The following OPCML variants were observed in gnomAD, a reference collection of about 807,000 sequenced individuals.
OPCML encodes the protein opioid binding protein/cell adhesion molecule like.
Under a neutral mutation model 37.8 loss-of-function variants are expected in OPCML, and 13 were observed. That is an observed-to-expected ratio of 0.34 (90% CI 0.22 to 0.55). The LOEUF is 0.55. Among genes scored for constraint, OPCML ranks in the 20% least tolerant of loss-of-function variants. OPCML has a pLI of 0.91. For synonymous variants in OPCML, 176 were observed against 168.8 expected (o/e 1.04, Z -0.33); for missense variants, 341 against 435.6 (o/e 0.78, Z 1.93).
chr11:133,302,144 GA>G (rs1329969075), intron 1 of OPCML: 6 of 152,208 alleles, frequency 3.9e-5, no homozygotes, highest in African/African-American at 1.4e-4. Context: ...AAAAGCTTCT[GA>G]TATGGCTTGG....
intron 7 of OPCML, among the ~76,000 whole-genome samples, chr11:132,432,922 T>C (rs1374659554): frequency 6.6e-6 from 1 of 152,202 alleles, no homozygotes; most frequent in Non-Finnish European, 1.5e-5. Flanking sequence ...AAATGCATGT[T>C]TGCTAAATGA....
At chr11:133,404,992 C>T (rs986352182) in intron 1 of OPCML, among the ~76,000 whole-genome samples, 10 of 152,260 alleles carry the variant, frequency 6.6e-5, no homozygotes, top group Admixed American at 6.5e-4. Context: ...TGTGTATTTT[C>T]CACCCTCCAA....
chr11:132,628,739 A>C (rs1939897404), intron 3 of OPCML, among the ~76,000 whole-genome samples: 1 of 152,098 alleles, frequency 6.6e-6, no homozygotes, highest in Non-Finnish European at 1.5e-5. Context: ...GGAGGGACCC[A>C]GTGGGAGGTA....
In OPCML at chr11:133,208,252, C is replaced by G. The variant is rs187946373; in HGVS notation, c.62-265242G>C. On this transcript the variant is annotated intron_variant, in intron 1 of 7. Transcript: ENST00000524381. This position sits in a 1 kb window ranked among gnomAD's most constrained non-coding sequence, Gnocchi z 8.9. ...TAGCACATTGTATTACATTGCATTG[C>G]ACTGTATTGTTGTATTACCACGTAT... 6.6e-6 allele frequency among the ~76,000 whole-genome samples: 1 copy of G among 152,266 alleles called. No individual in the cohort carries two copies. Among genetic ancestry groups the G allele is most frequent in the Admixed American group, 6.5e-5 (1 of 15,290 alleles).
At chr11:133,110,944 T>G (rs1949242340) in intron 1 of OPCML, among the ~76,000 whole-genome samples, 1 of 152,202 alleles carries the variant, frequency 6.6e-6, no homozygotes, top group Non-Finnish European at 1.5e-5. Context: ...ACCTTTCTGG[T>G]CCTTTGTTTA....
chr11:133,346,884 G>A (rs573117058), intron 1 of OPCML, among the ~76,000 whole-genome samples: 4 of 152,066 alleles, frequency 2.6e-5, no homozygotes, highest in African/African-American at 9.7e-5. Context: ...GTTTTTTGTT[G>A]TTTTGTTTTG....
chr11:132,629,649 G>GT (rs1464896099), intron 3 of OPCML, among the ~76,000 whole-genome samples: 6 of 151,856 alleles, frequency 4.0e-5, no homozygotes, highest in East Asian at 1.9e-4. Flanking sequence ...GCTTTATTTT[G>GT]TTTTTTTCCT....
intron 1 of OPCML, among the ~76,000 whole-genome samples, chr11:133,494,842 G>A (rs1342461482): frequency 1.3e-5 from 2 of 151,120 alleles, no homozygotes; most frequent in African/African-American, 4.9e-5. Context: ...TGCACATTGT[G>A]CACATGTACC....
chr11:133,290,799 G>C (rs1399414198), intron 1 of OPCML, among the ~76,000 whole-genome samples: 1 of 152,230 alleles, frequency 6.6e-6, no homozygotes, highest in Non-Finnish European at 1.5e-5. Flanking sequence ...AGTGGGTGAA[G>C]GCAGAGCTTG....
chr11:132,560,189 G>A (rs1210354638), intron 3 of OPCML, among the ~76,000 whole-genome samples: 1 of 151,998 alleles, frequency 6.6e-6, no homozygotes, highest in East Asian at 1.9e-4. Context: ...CCATGACTTG[G>A]GGTCAGTAAT....
rs954839050 is a variant in OPCML, at chr11:132,679,941, C to A, written c.147-22622G>T. Among the ~76,000 whole-genome samples, 6 of 152,234 alleles carry A rather than the reference C, an allele frequency of 3.9e-5. No homozygotes were observed. The East Asian group carries it at 7.7e-4, about 20-fold the overall frequency. On this transcript the variant is annotated intron_variant, in intron 2 of 7. Transcript: ENST00000524381. ...GACAGGTGGAGTGGTAGGTGATGTG[C>A]ATTCTCAAAGAAGGACTTTTTAGTA...
intron 3 of OPCML, among the ~76,000 whole-genome samples, chr11:132,557,794 G>T (rs1386356136): frequency 3.1e-5 from 4 of 129,124 alleles, no homozygotes; most frequent in Non-Finnish European, 6.5e-5. Context: ...TACACACAGG[G>T]TGATGGGCAA....
At chr11:133,044,210 C>T (rs1336254430) in intron 1 of OPCML, among the ~76,000 whole-genome samples, 3 of 152,096 alleles carry the variant, frequency 2.0e-5, no homozygotes, top group Non-Finnish European at 4.4e-5. Context: ...GATGGGTGTG[C>T]ATGGGTGCAT....
chr11:133,324,357 C>T (rs1943402730), intron 1 of OPCML, among the ~76,000 whole-genome samples: 3 of 152,130 alleles, frequency 2.0e-5, no homozygotes, highest in African/African-American at 7.2e-5. Context: ...AAAAAATTTT[C>T]GGGATGGCAT....
chr11:132,570,786 T>TATATAC (rs1555156174), intron 3 of OPCML, among the ~76,000 whole-genome samples: 1 of 108,274 alleles, frequency 9.2e-6, no homozygotes, highest in Non-Finnish European at 1.9e-5. Context: ...TATATATATA[T>TATATAC]ATATATATAT....
At chr11:132,555,334 G>T (rs139908140) in intron 3 of OPCML, among the ~76,000 whole-genome samples, 3 of 152,236 alleles carry the variant, frequency 2.0e-5, no homozygotes, top group Non-Finnish European at 4.4e-5. Flanking sequence ...ACGGCAGCAG[G>T]TGAGAGAGAA....
At chr11:133,217,710 G>A (rs1370506866) in intron 1 of OPCML, among the ~76,000 whole-genome samples, 10 of 152,170 alleles carry the variant, frequency 6.6e-5, no homozygotes, top group Admixed American at 5.9e-4. Flanking sequence ...AGGTTTAAGA[G>A]TTTTTCATTG....
chr11:133,023,319 C>T (rs138434973), intron 1 of OPCML, among the ~76,000 whole-genome samples: 111 of 152,356 alleles, frequency 7.3e-4, no homozygotes, highest in Non-Finnish European at 2.6e-4. Flanking sequence ...GCTAGACAAC[C>T]GCTGCGTTTT....
chr11:133,013,462 C>G (rs537554583), intron 1 of OPCML, among the ~76,000 whole-genome samples: 13 of 152,074 alleles, frequency 8.5e-5, no homozygotes, highest in Non-Finnish European at 1.5e-4. Context: ...TAAACATTTT[C>G]TTTGAAGAGG....
Sources: allele counts gnomAD v4.1 joint callset (sites outside exome capture counted in the v4.1 genomes callset), GRCh38; gene constraint gnomAD v4.1.1; non-coding constraint Gnocchi (gnomAD v3.1); transcripts MANE v1.5; gene names NCBI Gene and HGNC (gene_info 2026-07-23, HGNC 2026-07-21).